PRKD2: variants seen among roughly 807,000 people sequenced by gnomAD.
The protein encoded by PRKD2 is protein kinase D2.
Under a neutral mutation model 86.0 loss-of-function variants are expected in PRKD2, and 22 were observed. The observed-to-expected ratio is 0.26, with a 90% confidence interval of 0.18 to 0.37. PRKD2 has a LOEUF of 0.37. PRKD2 is among the 10% of genes least tolerant of loss of function. The pLI, the probability that PRKD2 is intolerant of heterozygous loss-of-function variation, is 1.00. For missense variants in PRKD2, 818 were observed against 1,199.2 expected, an observed-to-expected ratio of 0.68 and a Z score of 4.70; for synonymous variants, 509 against 510.9, an observed-to-expected ratio of 1.00 and a Z score of 0.05.
intron 2 of PRKD2, among the ~76,000 whole-genome samples, chr19:46,713,405 A>C (rs929348622): frequency 3.3e-5 from 5 of 151,790 alleles, no homozygotes; most frequent in Non-Finnish European, 7.4e-5. Flanking sequence ...CCCCCTTCTA[A>C]CTACTGCACT....
chr19:46,703,859 A>G (rs1433624859), intron 5 of PRKD2, among the ~76,000 whole-genome samples: 2 of 150,960 alleles, frequency 1.3e-5, no homozygotes, highest in African/African-American at 4.9e-5. Context: ...CAGGAGGATC[A>G]CTTGAACCCA....
chr19:46,707,537 C>T (rs780733294), intron 3 of PRKD2, among the ~76,000 whole-genome samples: 6 of 152,068 alleles, frequency 3.9e-5, no homozygotes, highest in Non-Finnish European at 5.9e-5. Context: ...TTGCAGTGAG[C>T]CAAGACCACG....
At position 46,693,879 on chromosome 19, in the gene PRKD2, G is replaced by A; in HGVS notation, c.1572C>T (p.Pro524=). The A allele has an allele frequency of 6.3e-7, 1 of 1,594,684 alleles. No individual in the cohort carries two copies. Among genetic ancestry groups the A allele is most frequent in the Non-Finnish European group, 8.5e-7 (1 of 1,171,046 alleles). The change falls in exon 10 of 18, where the codon CCC becomes CCT. Residue 524 remains proline (P), a synonymous_variant. Transcript: ENST00000291281. This position sits in a 1 kb window ranked among gnomAD's most constrained non-coding sequence, Gnocchi z 4.5. ...QDAPSAPGHA[P]HRQASLSISV... Reference sequence around the variant, plus strand: ...ACCCGAGGTGGGAGGACTTACTGTGGGGCGCGTGGCCTGGGGCGCTGGGTG... The same window carrying A: ...ACCCGAGGTGGGAGGACTTACTGTGAGGCGCGTGGCCTGGGGCGCTGGGTG...
At chr19:46,674,781 A>G in intron 17 of PRKD2, 46 bp from the exon 18 acceptor site, 4 of 1,563,534 alleles carry the variant, frequency 2.6e-6, no homozygotes, top group Non-Finnish European at 3.5e-6. Context: ...GCATTGGAGC[A>G]GTGCCTGGAT....
Position 46,678,601 on chromosome 19 carries a change from C to T in PRKD2, c.2133G>A (p.Val711=). Residue 711 remains valine, a synonymous_variant, in exon 16 of 18, where the codon GTG becomes GTA. Coordinates refer to ENST00000291281, the MANE Select transcript of PRKD2 (RefSeq NM_016457.5). This position sits in a 1 kb window ranked among gnomAD's most constrained non-coding sequence, Gnocchi z 5.7. ...GTGCCAGGTAGGCCGGCGTGCCCAC[C>T]ACTGAGCGGCGGAACGACTTCTCGC... ...IIGEKSFRRS[V]VGTPAYLAPE... is the part of the protein sequence containing the mutation. 1 of 1,613,138 alleles carries T rather than the reference C, an allele frequency of 6.2e-7. No homozygotes were observed. The highest frequency in any genetic ancestry group is 8.5e-7 in the Non-Finnish European group (1 of 1,180,032).
intron 15 of PRKD2, among the ~76,000 whole-genome samples, chr19:46,679,382 C>T (rs2053262091): frequency 6.6e-6 from 1 of 152,150 alleles, no homozygotes; most frequent in African/African-American, 2.4e-5. Flanking sequence ...ACAGTCCCTA[C>T]CTTAAAGGGT....
At chr19:46,688,436 A>T (rs1162473719) in intron 14 of PRKD2, among the ~76,000 whole-genome samples, 126 of 144,682 alleles carry the variant, frequency 8.7e-4, no homozygotes, top group East Asian at 3.2e-3. Flanking sequence ...TATTATTATT[A>T]TTATTATTTT....
intron 5 of PRKD2, among the ~76,000 whole-genome samples, chr19:46,703,766 C>CT (rs2053667827): frequency 7.0e-6 from 1 of 141,862 alleles, no homozygotes; most frequent in African/African-American, 2.6e-5. Context: ...AGTGAGACTC[C>CT]GTCTCAAAAA....
chr19:46,707,255 T>C (rs548065568), intron 3 of PRKD2, among the ~76,000 whole-genome samples: 12 of 152,250 alleles, frequency 7.9e-5, no homozygotes, highest in African/African-American at 2.9e-4. Flanking sequence ...TCAGACCTAA[T>C]ACCCAATGGA....
At chr19:46,676,289 A>T (rs1447434232) in intron 16 of PRKD2, among the ~76,000 whole-genome samples, 1 of 152,056 alleles carries the variant, frequency 6.6e-6, no homozygotes, top group African/African-American at 2.4e-5. Flanking sequence ...TTAGCTGGGC[A>T]TGGTAGCGCA....
At chr19:46,691,567 G>A (rs984556079) in intron 12 of PRKD2, among the ~76,000 whole-genome samples, 168 bp downstream of exon 12, 1 of 152,200 alleles carries the variant, frequency 6.6e-6, no homozygotes, top group Non-Finnish European at 1.5e-5. Context: ...AATGAGAAAA[G>A]GAGAACCTGC....
rs200533393 is a variant in PRKD2, at chr19:46,689,546, G to A, written c.1962C>T (p.Leu654=). The change falls in exon 14 of 18, where the codon CTC becomes CTT. Residue 654 remains leucine (L), a synonymous_variant. Coordinates refer to ENST00000291281, the MANE Select transcript of PRKD2 (RefSeq NM_016457.5). ...GGCAGGGCAGACGCACCTGGGTGAT[G>A]AGGAACTTGGTGAGGCGCTCAGGCA... ...GRLPERLTKF[L]ITQILVALRH... 1.9e-6 allele frequency: 3 copies of A among 1,606,014 alleles called. No individual in the cohort carries two copies. The highest frequency in any genetic ancestry group is 2.5e-6 in the Non-Finnish European group (3 of 1,176,800).
At chr19:46,701,601 C>T (rs1045240382) in intron 5 of PRKD2, among the ~76,000 whole-genome samples, 4 of 151,748 alleles carry the variant, frequency 2.6e-5, no homozygotes, top group African/African-American at 9.7e-5. Context: ...GATCCACCTG[C>T]CTTGGCCTCC....
chr19:46,699,918 T>TA (rs56355930), intron 7 of PRKD2, among the ~76,000 whole-genome samples: 4,771 of 107,214 alleles, frequency 0.044, 134 homozygotes, highest in East Asian at 0.14. Context: ...CCCCCTATCT[T>TA]AAAAAAAAAA....
chr19:46,716,848 G>T lies in PRKD2; in HGVS notation c.-478C>A, dbSNP rs1235225576. Reference sequence around the variant, plus strand: ...TGGAGGGCAGGAGTCTCTGAGTCGGGGACCGAGTGGATTCCAGAGATAAAG... The same window carrying T: ...TGGAGGGCAGGAGTCTCTGAGTCGGTGACCGAGTGGATTCCAGAGATAAAG... On this transcript the variant is annotated 5_prime_UTR_variant, in exon 1 of 18. Transcript: ENST00000291281. This position sits in a 1 kb window ranked among gnomAD's most constrained non-coding sequence, Gnocchi z 7.9. 1 of 152,714 alleles carries T rather than the reference G, an allele frequency of 6.5e-6. No individual in the cohort carries two copies. 9.5% of individuals were successfully genotyped at this position (152,714 alleles called of 1,614,324 possible).
chr19:46,714,151 A>C, intron 1 of PRKD2, 150 bp from the exon 2 acceptor site: 2 of 1,337,936 alleles, frequency 1.5e-6, no homozygotes, highest in Non-Finnish European at 9.6e-7. Context: ...CCCCCTCCCA[A>C]CCCCAGCGCG....
intron 14 of PRKD2, among the ~76,000 whole-genome samples, chr19:46,683,824 CTGT>C (rs528829547): frequency 6.6e-5 from 10 of 152,154 alleles, no homozygotes; most frequent in African/African-American, 1.2e-4. Context: ...TTAGCTGTTA[CTGT>C]TGTTGTTATT....
chr19:46,691,854 G>C, intron 11 of PRKD2, 47 bp from the exon 12 acceptor site: 1 of 1,612,056 alleles, frequency 6.2e-7, no homozygotes, highest in Non-Finnish European at 8.5e-7. Flanking sequence ...TGGAAATGGG[G>C]AAGGGGGAGT....
At chr19:46,701,166 G>T in intron 5 of PRKD2, 54 bp from the exon 6 acceptor site, 1 of 1,567,310 alleles carries the variant, frequency 6.4e-7, no homozygotes, top group Non-Finnish European at 8.8e-7. Flanking sequence ...AGGTTACCTG[G>T]AAGGCTTGAA....
Sources: allele counts gnomAD v4.1 joint callset (sites outside exome capture counted in the v4.1 genomes callset), GRCh38; gene constraint gnomAD v4.1.1; non-coding constraint Gnocchi (gnomAD v3.1); transcripts MANE v1.5; gene names NCBI Gene and HGNC (gene_info 2026-07-23, HGNC 2026-07-21).